The following NFIB variants were observed in gnomAD, a reference collection of about 807,000 sequenced individuals.
The protein encoded by NFIB is nuclear factor I B.
NFIB carries 11 observed loss-of-function variants against 61.5 expected under a neutral mutation model. The ratio of observed to expected loss-of-function variants is 0.18; its 90% CI spans 0.11 to 0.30. The LOEUF is 0.30. Among genes scored for constraint, NFIB ranks in the 10% least tolerant of loss-of-function variants. The probability of loss-of-function intolerance (pLI) is 1.00; values close to 1 mark genes in which losing one functional copy is unlikely to be tolerated. For synonymous variants in NFIB, 260 were observed against 216.5 expected (o/e 1.20, Z -1.76); for missense variants, 471 against 608.9 (o/e 0.77, Z 2.38).
the NFIB span, among the ~76,000 whole-genome samples, chr9:14,449,684 A>T: frequency 6.6e-6 from 1 of 152,078 alleles, no homozygotes; most frequent in Non-Finnish European, 1.5e-5. Flanking sequence ...AATCCCAGCA[A>T]TTTGGGAGGC....
intron 6 of NFIB, among the ~76,000 whole-genome samples, chr9:14,141,925 A>AC (rs2041769063): frequency 1.1e-5 from 1 of 91,086 alleles, no homozygotes; most frequent in African/African-American, 5.9e-5. Context: ...AAAAAAAAAA[A>AC]ACAACGAAAT....
At chr9:14,271,200 C>G (rs2057592322) in intron 2 of NFIB, among the ~76,000 whole-genome samples, 1 of 139,238 alleles carries the variant, frequency 7.2e-6, no homozygotes, top group Non-Finnish European at 1.5e-5. Flanking sequence ...TCTCTTACTT[C>G]TCCTCCCCCT....
At chr9:14,530,604 C>T in the NFIB span, among the ~76,000 whole-genome samples, 8 of 152,088 alleles carry the variant, frequency 5.3e-5, no homozygotes, top group African/African-American at 1.7e-4. Flanking sequence ...TGAGCTTTCA[C>T]GAGACGCCTA....
intron 6 of NFIB, among the ~76,000 whole-genome samples, chr9:14,144,248 G>A (rs1466834191): frequency 1.3e-5 from 2 of 151,998 alleles, no homozygotes; most frequent in Admixed American, 6.6e-5. Flanking sequence ...GGCTTAAAGA[G>A]GAATCAATTC....
the NFIB span, among the ~76,000 whole-genome samples, chr9:14,526,785 A>T: frequency 6.6e-6 from 1 of 152,172 alleles, no homozygotes; most frequent in Admixed American, 6.5e-5. Context: ...CTCTTTGTTG[A>T]CTAGTCTCTA....
intron 1 of NFIB, among the ~76,000 whole-genome samples, chr9:14,372,885 C>G (rs1257724911): frequency 6.6e-6 from 1 of 151,748 alleles, no homozygotes; most frequent in Non-Finnish European, 1.5e-5. Context: ...AACCTTTGCC[C>G]TCAGGAAAAA....
intron 2 of NFIB, among the ~76,000 whole-genome samples, chr9:14,201,913 G>A (rs1474924351): frequency 6.6e-6 from 1 of 151,652 alleles, no homozygotes; most frequent in Non-Finnish European, 1.5e-5. Context: ...TTTTGAAAAG[G>A]ACTGAACACC....
chr9:14,131,492 C>T lies in NFIB; in HGVS notation c.926-5726G>A, dbSNP rs2040399148. Among the ~76,000 whole-genome samples the T allele has an allele frequency of 2.6e-5, 4 of 152,174 alleles. No individual in the cohort carries two copies. In the South Asian group the frequency reaches 8.3e-4, roughly 32 times the overall value. ...AACTCATCTCCCAACAAGGTAATTT[C>T]ATCTACAAAGGAAGAGAGTCGCTGT... On this transcript the variant is annotated intron_variant, in intron 6 of 10. Transcript: ENST00000380953.
At chr9:14,136,036 C>G (rs1028488389) in intron 6 of NFIB, among the ~76,000 whole-genome samples, 11 of 152,034 alleles carry the variant, frequency 7.2e-5, no homozygotes, top group African/African-American at 2.7e-4. Context: ...AAAAAGGTCT[C>G]GAGGCTACAC....
chr9:14,127,549 T>C (rs1214653768), intron 6 of NFIB, among the ~76,000 whole-genome samples: 1 of 152,172 alleles, frequency 6.6e-6, no homozygotes, highest in Non-Finnish European at 1.5e-5. Flanking sequence ...CATGTATCTC[T>C]AAAAGAAAAT....
the NFIB span, among the ~76,000 whole-genome samples, chr9:14,425,970 G>A: frequency 6.6e-6 from 1 of 152,132 alleles, no homozygotes; most frequent in Non-Finnish European, 1.5e-5. Flanking sequence ...TTTGATGACA[G>A]CTACCTTTCT....
chr9:14,456,954 T>C, the NFIB span, among the ~76,000 whole-genome samples: 1 of 152,192 alleles, frequency 6.6e-6, no homozygotes, highest in African/African-American at 2.4e-5. Context: ...TTTTGGACGA[T>C]GGCTAAATAA....
At chr9:14,290,132 C>T (rs1032491158) in intron 2 of NFIB, among the ~76,000 whole-genome samples, 9 of 151,916 alleles carry the variant, frequency 5.9e-5, no homozygotes, top group African/African-American at 2.2e-4. Flanking sequence ...TGTCTTTGTA[C>T]TCTAGGGAAG....
At chr9:14,215,544 A>T (rs2050766897) in intron 2 of NFIB, among the ~76,000 whole-genome samples, 1 of 152,228 alleles carries the variant, frequency 6.6e-6, no homozygotes. Flanking sequence ...TTGCAAAGAA[A>T]GTTGAAAGTA....
intron 6 of NFIB, among the ~76,000 whole-genome samples, chr9:14,133,961 C>T (rs377279898): frequency 1.3e-5 from 2 of 152,158 alleles, no homozygotes; most frequent in East Asian, 3.9e-4. Context: ...TCTGCCTTTA[C>T]TTGAAAGCTT....
the NFIB span, among the ~76,000 whole-genome samples, chr9:14,444,538 G>A: frequency 1.3e-5 from 2 of 152,116 alleles, no homozygotes; most frequent in East Asian, 3.9e-4. Flanking sequence ...CCCTGAAGGT[G>A]TTACTTATAC....
At chr9:14,374,716 C>G (rs1024575438) in intron 1 of NFIB, among the ~76,000 whole-genome samples, 5 of 152,140 alleles carry the variant, frequency 3.3e-5, no homozygotes, top group South Asian at 4.2e-4. Context: ...TCGAGACCAG[C>G]CTGGCCAACA....
chr9:14,087,056 G>T lies in NFIB; in HGVS notation c.*1253C>A, dbSNP rs547196464. ...GCGTTTTTATATCCTACACCCTGGC[G>T]TTCCCAGTTTGTAAACTGTAAGCTT... On this transcript the variant is annotated 3_prime_UTR_variant, in exon 11 of 11. Transcript: ENST00000380953. The T allele has an allele frequency of 9.9e-6, 2 of 202,720 alleles. No homozygotes were observed. Among genetic ancestry groups the T allele is most frequent in the Non-Finnish European group, 2.0e-5 (2 of 98,516 alleles). 12.6% of individuals were successfully genotyped at this position (202,720 alleles called of 1,614,324 possible). A position where few individuals can be genotyped will look rare whatever the true frequency, so the allele number is the denominator to read the frequency against.
chr9:14,249,194 G>A (rs2055288603), intron 2 of NFIB, among the ~76,000 whole-genome samples: 1 of 152,124 alleles, frequency 6.6e-6, no homozygotes, highest in Non-Finnish European at 1.5e-5. Context: ...TTCAAATTTA[G>A]TATTTCCAAT....
Sources: allele counts gnomAD v4.1 joint callset (sites outside exome capture counted in the v4.1 genomes callset), GRCh38; gene constraint gnomAD v4.1.1; transcripts MANE v1.5; gene names NCBI Gene and HGNC (gene_info 2026-07-23, HGNC 2026-07-21).